MED13L: variants seen among roughly 807,000 people sequenced by gnomAD.
MED13L encodes mediator complex subunit 13L, also known as mediator of RNA polymerase II transcription subunit 13-like.
In MED13L, 7 loss-of-function variants were observed where a neutral mutation model predicts 220.9. The ratio of observed to expected loss-of-function variants is 0.03; its 90% CI spans 0.02 to 0.06. MED13L has a LOEUF of 0.06. Ranked by LOEUF, MED13L falls within the 10% of genes least tolerant of loss-of-function variation. The pLI, the probability that MED13L is intolerant of heterozygous loss-of-function variation, is 1.00. For missense variants in MED13L, 1,965 were observed against 2,760.5 expected, an observed-to-expected ratio of 0.71 and a Z score of 6.46; for synonymous variants, 1,011 against 1,015.2, an observed-to-expected ratio of 1.00 and a Z score of 0.08.
chr12:116,031,772 G>A (rs868207043), intron 4 of MED13L, among the ~76,000 whole-genome samples: 1 of 139,602 alleles, frequency 7.2e-6, no homozygotes, highest in South Asian at 2.4e-4. Context: ...AGGAAGGAAG[G>A]AAGGAAGGAA....
At chr12:116,084,064 T>C (rs1871427103) in intron 4 of MED13L, among the ~76,000 whole-genome samples, 1 of 152,234 alleles carries the variant, frequency 6.6e-6, no homozygotes, top group Non-Finnish European at 1.5e-5. Flanking sequence ...GCATACCTTG[T>C]ATTGTACTTC....
intron 14 of MED13L, among the ~76,000 whole-genome samples, chr12:116,000,465 T>C (rs1415305680): frequency 6.6e-6 from 1 of 152,190 alleles, no homozygotes; most frequent in Non-Finnish European, 1.5e-5. Context: ...GCACTTTATG[T>C]ATTCATGCAC....
chr12:115,959,740 CCACCA>C lies in MED13L; in HGVS notation c.*1521_*1525del, dbSNP rs1300831337. 2 of 152,508 alleles carry C rather than the reference CCACCA, an allele frequency of 1.3e-5. No individual in the cohort carries two copies. The highest frequency in any genetic ancestry group is 2.9e-5 in the Non-Finnish European group (2 of 68,030). 9.4% of individuals were successfully genotyped at this position (152,508 alleles called of 1,614,324 possible). Reference sequence around the variant, plus strand: ...AAGTTATTTCTCTGCTTTCACATTCCCACCACACAACTTTTTTTTTAATATAATGT... The same window carrying C: ...AAGTTATTTCTCTGCTTTCACATTCCCACAACTTTTTTTTTAATATAATGT... On this transcript the variant is annotated 3_prime_UTR_variant, in exon 31 of 31. Transcript: ENST00000281928.
chr12:116,122,289 A>G lies in MED13L; in HGVS notation c.311-10777T>C, dbSNP rs140708578. Among the ~76,000 whole-genome samples the G allele has an allele frequency of 3.9e-5, 6 of 152,334 alleles. No homozygotes were observed. The East Asian group carries it at 1.2e-3, about 29-fold the overall frequency. On this transcript the variant is annotated intron_variant, in intron 2 of 30. Coordinates refer to ENST00000281928, the MANE Select transcript of MED13L (RefSeq NM_015335.5). ...CAAAGAAACTCAGTAACAAAGGAGC[A>G]CAATGCTACATTAATTATGAAATAT...
rs568775849 is a variant in MED13L, at chr12:116,155,679, T to A, written c.311-44167A>T. Among the ~76,000 whole-genome samples the A allele has an allele frequency of 4.6e-5, 7 of 152,206 alleles. No homozygotes were observed. In the South Asian group the frequency reaches 1.5e-3, roughly 32 times the overall value. The stretch of plus-strand genomic sequence containing the variant: ...TGAAGTTACATTTTGCCACACAGTC[T>A]TCAACAAAGAATGTATGGTTCACAC... On this transcript the variant is annotated intron_variant, in intron 2 of 30. Coordinates refer to ENST00000281928, the MANE Select transcript of MED13L (RefSeq NM_015335.5).
chr12:116,264,898 C>T (rs1170167301), intron 1 of MED13L, among the ~76,000 whole-genome samples: 1 of 152,146 alleles, frequency 6.6e-6, no homozygotes, highest in African/African-American at 2.4e-5. Flanking sequence ...GAGGCTGAGG[C>T]AAGAGGATTA....
At chr12:116,171,173 C>T (rs1182907762) in intron 2 of MED13L, among the ~76,000 whole-genome samples, 1 of 152,220 alleles carries the variant, frequency 6.6e-6, no homozygotes, top group Non-Finnish European at 1.5e-5. Context: ...ACCCTACTCC[C>T]TTGATGGTTG....
chr12:115,995,221 GTTTTA>G (rs1878322064), intron 16 of MED13L, among the ~76,000 whole-genome samples: 1 of 152,114 alleles, frequency 6.6e-6, no homozygotes. Flanking sequence ...CCACAAATTT[GTTTTA>G]TTGGTTCCTT....
chr12:115,964,461 A>G (rs772379949), intron 29 of MED13L, among the ~76,000 whole-genome samples: 1 of 152,136 alleles, frequency 6.6e-6, no homozygotes, highest in Non-Finnish European at 1.5e-5. Flanking sequence ...GTTCCTCATC[A>G]ACTTTTCACC....
chr12:116,007,702 CT>C, intron 10 of MED13L, 66 bp from the exon 11 acceptor site: 1 of 1,404,148 alleles, frequency 7.1e-7, no homozygotes, highest in African/African-American at 1.5e-5. Context: ...AAAGTTTAAA[CT>C]TTTTGTAAAA....
rs1592942209 is a variant in MED13L at position 116,008,691 on chromosome 12, T to C, written c.1722A>G (p.Pro574=). The C allele has an allele frequency of 6.8e-6, 11 of 1,614,000 alleles. No homozygotes were observed. The South Asian group carries it at 1.2e-4, about 18-fold the overall frequency. The change falls in exon 10 of 31, where the codon CCA becomes CCG. Residue 574 remains proline (P), a synonymous_variant. Coordinates refer to ENST00000281928, the MANE Select transcript of MED13L (RefSeq NM_015335.5). ...RGQETESLDP[P]SVPVNPALYG... The stretch of plus-strand genomic sequence containing the variant: ...AAAGGGCTGGATTCACAGGGACCGA[T>C]GGTGGGTCCAAACTCTCTGTTTCCT...
At chr12:116,231,443 G>A (rs147232747) in intron 2 of MED13L, among the ~76,000 whole-genome samples, 159 of 152,002 alleles carry the variant, frequency 1.0e-3, no homozygotes, top group Middle Eastern at 3.4e-3. Flanking sequence ...TCAAAATGTG[G>A]GATATTTTAC....
At chr12:116,266,797 C>T (rs937207800) in intron 1 of MED13L, among the ~76,000 whole-genome samples, 5 of 152,184 alleles carry the variant, frequency 3.3e-5, no homozygotes, top group East Asian at 1.9e-4. Flanking sequence ...CTAGATACAA[C>T]TTAAGACACT....
chr12:116,073,252 T>C (rs187041808), intron 4 of MED13L, among the ~76,000 whole-genome samples: 216 of 152,320 alleles, frequency 1.4e-3, no homozygotes, highest in Non-Finnish European at 2.4e-3. Context: ...CAATGCAACG[T>C]AGCAGAAAGT....
intron 4 of MED13L, among the ~76,000 whole-genome samples, chr12:116,037,922 C>G (rs1881281901): frequency 6.6e-6 from 1 of 152,206 alleles, no homozygotes; most frequent in Admixed American, 6.5e-5. Flanking sequence ...CTGCTCTAGT[C>G]AGTGATGCGT....
rs769481051 is a variant in MED13L at position 115,961,439 on chromosome 12, G to C, written c.6501-41C>G. 6 of 1,611,514 alleles carry C rather than the reference G, an allele frequency of 3.7e-6. No homozygotes were observed. In the Admixed American group the frequency reaches 8.3e-5, roughly 22 times the overall value. On this transcript the variant is annotated intron_variant, in intron 30 of 30. Coordinates refer to ENST00000281928, the MANE Select transcript of MED13L (RefSeq NM_015335.5). ...CACAGAGCAGGGGCGTGAGCCTCAAGAGGGAAGGCTGGTTCTCAGATTCTA... is the reference window on the plus strand; with the variant it reads ...CACAGAGCAGGGGCGTGAGCCTCAACAGGGAAGGCTGGTTCTCAGATTCTA...
At chr12:116,274,717 G>A (rs1274511342) in intron 1 of MED13L, among the ~76,000 whole-genome samples, 1 of 151,278 alleles carries the variant, frequency 6.6e-6, no homozygotes, top group Non-Finnish European at 1.5e-5. Context: ...ACGTACAAGA[G>A]AATGAAGACA....
intron 14 of MED13L, among the ~76,000 whole-genome samples, chr12:116,001,260 T>C (rs1878724742): frequency 1.3e-5 from 2 of 152,100 alleles, no homozygotes; most frequent in Non-Finnish European, 2.9e-5. Flanking sequence ...GCAGTGGTGC[T>C]ATCTCGGCTC....
At chr12:116,232,892 A>C (rs902863660) in intron 2 of MED13L, among the ~76,000 whole-genome samples, 1 of 152,000 alleles carries the variant, frequency 6.6e-6, no homozygotes, top group Non-Finnish European at 1.5e-5. Flanking sequence ...TTTGAGATCA[A>C]CCTGGCCAAC....
Sources: gnomAD v4.1 joint callset for allele counts (sites outside exome capture counted in the v4.1 genomes callset) on GRCh38, gnomAD v4.1.1 for gene constraint, MANE v1.5 for transcripts, NCBI Gene and HGNC (gene_info 2026-07-23, HGNC 2026-07-21) for gene names.